Variants in PTPRD observed in about 807,000 individuals in gnomAD.
PTPRD encodes the protein receptor-type tyrosine-protein phosphatase delta.
A neutral mutation model predicts 214.5 loss-of-function variants in PTPRD; 34 were observed. That is an observed-to-expected ratio of 0.16 (90% CI 0.12 to 0.21). PTPRD has a LOEUF of 0.21. Ranked by LOEUF, PTPRD falls within the 10% of genes least tolerant of loss-of-function variation. The probability of loss-of-function intolerance (pLI) is 1.00; values close to 1 mark genes in which losing one functional copy is unlikely to be tolerated. For synonymous variants in PTPRD, 1,128 were observed against 845.7 expected (o/e 1.33, Z -5.79); for missense variants, 2,545 against 2,398.7 (o/e 1.06, Z -1.27).
intron 2 of PTPRD, among the ~76,000 whole-genome samples, chr9:10,592,583 A>T (rs1440990095): frequency 6.6e-6 from 1 of 151,930 alleles, no homozygotes; most frequent in Non-Finnish European, 1.5e-5. Context: ...AGCTGGACTT[A>T]CTGGGTTGAG....
intron 27 of PTPRD, among the ~76,000 whole-genome samples, chr9:8,491,201 C>T (rs567804053): frequency 3.3e-5 from 5 of 152,210 alleles, no homozygotes; most frequent in Admixed American, 6.5e-5. Flanking sequence ...ATCTCAATAC[C>T]GAAGCCTCTA....
intron 12 of PTPRD, among the ~76,000 whole-genome samples, chr9:8,695,061 T>C (rs982417151): frequency 5.9e-5 from 9 of 152,204 alleles, no homozygotes; most frequent in African/African-American, 2.2e-4. Context: ...CGCTCAGTCT[T>C]TTCCCATCCG....
chr9:9,885,482 A>G (rs1396077078), intron 5 of PTPRD, among the ~76,000 whole-genome samples: 1 of 152,078 alleles, frequency 6.6e-6, no homozygotes, highest in East Asian at 1.9e-4. Flanking sequence ...GCAGCTTCAC[A>G]GGGGTCCTAC....
In PTPRD at chr9:10,442,607, T is replaced by C. The variant is rs557123279; in HGVS notation, c.-599-101590A>G. Among the ~76,000 whole-genome samples the C allele has an allele frequency of 3.1e-3, 473 of 151,666 alleles. 6 individuals are homozygous for C. Among genetic ancestry groups the C allele is most frequent in the Middle Eastern group, 3.4e-3 (1 of 294 alleles). On this transcript the variant is annotated intron_variant, in intron 2 of 45. Transcript: ENST00000381196. The stretch of plus-strand genomic sequence containing the variant: ...GCAAGGGTTAATAAGGGAGAGAACT[T>C]GGTAGCAAATAGTCAGAGAAACTGA...
At chr9:9,769,439 C>A (rs1485683450) in intron 5 of PTPRD, among the ~76,000 whole-genome samples, 1 of 148,584 alleles carries the variant, frequency 6.7e-6, no homozygotes, top group Non-Finnish European at 1.5e-5. Context: ...CATTCTCCTG[C>A]CTCAGCCTCC....
rs149785034 is a variant in PTPRD, at chr9:10,553,012, G to C, written c.-600+59386C>G. 1.2e-4 allele frequency among the ~76,000 whole-genome samples: 19 copies of C among 152,224 alleles called. No homozygotes were observed. In the East Asian group the frequency reaches 3.7e-3, roughly 29 times the overall value. On this transcript the variant is annotated intron_variant, in intron 2 of 45. Coordinates refer to ENST00000381196, the MANE Select transcript of PTPRD (RefSeq NM_002839.4). ...GGTAGATTTATTTACAGTTCAAAGT[G>C]GGACACAAGAATTCAGCTGAGGCAG... is the stretch of plus-strand genomic sequence containing the variant.
At chr9:9,663,629 C>G (rs1327913212) in intron 7 of PTPRD, among the ~76,000 whole-genome samples, 1 of 151,628 alleles carries the variant, frequency 6.6e-6, no homozygotes, top group African/African-American at 2.4e-5. Context: ...AGCGTCATCA[C>G]TGACAACTCT....
At chr9:9,856,970 T>C (rs549323477) in intron 5 of PTPRD, among the ~76,000 whole-genome samples, 58 of 152,318 alleles carry the variant, frequency 3.8e-4, no homozygotes, top group African/African-American at 1.4e-3. Flanking sequence ...TTATTCTTAA[T>C]GGACCAATGT....
chr9:9,025,534 T>C (rs753763279), intron 10 of PTPRD, among the ~76,000 whole-genome samples: 21 of 152,056 alleles, frequency 1.4e-4, no homozygotes, highest in Non-Finnish European at 2.8e-4. Flanking sequence ...GATTGTAAAC[T>C]AGCTAATATT....
intron 14 of PTPRD, among the ~76,000 whole-genome samples, chr9:8,547,473 T>C (rs928585801): frequency 3.9e-5 from 6 of 151,950 alleles, no homozygotes; most frequent in African/African-American, 1.4e-4. Flanking sequence ...TGAAAACCAG[T>C]CTGTACAAAA....
intron 3 of PTPRD, among the ~76,000 whole-genome samples, chr9:10,060,679 A>G (rs764082566): frequency 1.0e-4 from 15 of 146,802 alleles, no homozygotes; most frequent in Non-Finnish European, 1.0e-4. Flanking sequence ...AATTTATCTT[A>G]TGTTTTATAG....
intron 8 of PTPRD, among the ~76,000 whole-genome samples, chr9:9,469,225 T>A (rs1352300513): frequency 6.6e-6 from 1 of 152,112 alleles, no homozygotes; most frequent in Non-Finnish European, 1.5e-5. Flanking sequence ...TATATATTAT[T>A]AAATTCATGT....
At chr9:9,560,285 C>T (rs2082571362) in intron 8 of PTPRD, among the ~76,000 whole-genome samples, 2 of 152,226 alleles carry the variant, frequency 1.3e-5, no homozygotes, top group South Asian at 2.1e-4. Context: ...GACCTAATAG[C>T]TTCTCATGCT....
intron 44 of PTPRD, among the ~76,000 whole-genome samples, chr9:8,321,326 T>G (rs1827215490): frequency 6.6e-6 from 1 of 151,360 alleles, no homozygotes; most frequent in Non-Finnish European, 1.5e-5. Context: ...CTAAGTATTT[T>G]CAAAAAAAGA....
intron 8 of PTPRD, among the ~76,000 whole-genome samples, chr9:9,558,986 T>G (rs2082207101): frequency 6.6e-6 from 1 of 152,190 alleles, no homozygotes; most frequent in Non-Finnish European, 1.5e-5. Flanking sequence ...TTCAATGCTC[T>G]AAGTAGGCGC....
At chr9:9,030,308 T>A (rs1396053437) in intron 10 of PTPRD, among the ~76,000 whole-genome samples, 6 of 94,124 alleles carry the variant, frequency 6.4e-5, no homozygotes, top group Admixed American at 1.2e-4. Context: ...TTTTTTTTTT[T>A]ACAGATATCT....
intron 8 of PTPRD, among the ~76,000 whole-genome samples, chr9:9,416,495 G>A (rs551726414): frequency 5.7e-4 from 86 of 152,202 alleles, no homozygotes; most frequent in African/African-American, 2.0e-3. Context: ...GAGCGTGCTC[G>A]GTGAATGTTA....
chr9:8,343,253 G>C (rs1854251588), intron 39 of PTPRD, among the ~76,000 whole-genome samples: 1 of 152,020 alleles, frequency 6.6e-6, no homozygotes, highest in South Asian at 2.1e-4. Flanking sequence ...GGGCTAACTA[G>C]CTGGGAATTT....
At chr9:10,448,417 C>T (rs1037613368) in intron 2 of PTPRD, among the ~76,000 whole-genome samples, 5 of 151,884 alleles carry the variant, frequency 3.3e-5, no homozygotes, top group Admixed American at 6.6e-5. Flanking sequence ...GGCTCCTGCC[C>T]TGTCATATTA....
Sources: gnomAD v4.1 joint callset for allele counts (sites outside exome capture counted in the v4.1 genomes callset) on GRCh38, gnomAD v4.1.1 for gene constraint, MANE v1.5 for transcripts, NCBI Gene and HGNC (gene_info 2026-07-23, HGNC 2026-07-21) for gene names.